The following EHBP1 variants were observed in gnomAD, a reference collection of about 807,000 sequenced individuals.
EHBP1 encodes the protein EH domain-binding protein 1.
A neutral mutation model predicts 144.0 loss-of-function variants in EHBP1; 55 were observed. The observed-to-expected ratio is 0.38, with a 90% CI of 0.31 to 0.48. EHBP1 has a LOEUF of 0.48. EHBP1 is among the 20% of genes least tolerant of loss of function. The probability of loss-of-function intolerance (pLI) is 0.98; values close to 1 mark genes in which losing one functional copy is unlikely to be tolerated. For synonymous variants in EHBP1, 469 were observed against 472.7 expected (o/e 0.99, Z 0.10); for missense variants, 1,200 against 1,364.2 (o/e 0.88, Z 1.90).
chr2:62,826,363 G>A, intron 6 of EHBP1, 95 bp downstream of exon 6: 2 of 1,140,426 alleles, frequency 1.8e-6, no homozygotes, highest in Non-Finnish European at 2.4e-6. Flanking sequence ...ACATCTTACA[G>A]CATACCAATC....
At chr2:62,794,411 T>A (rs1356856583) in intron 5 of EHBP1, among the ~76,000 whole-genome samples, 1 of 152,064 alleles carries the variant, frequency 6.6e-6, no homozygotes. Flanking sequence ...TAGACAGCAT[T>A]TTACATTTCT....
At position 62,914,910 on chromosome 2, in the gene EHBP1, C is replaced by T. The variant is rs202084626; in HGVS notation, c.1186-27808C>T. Among the ~76,000 whole-genome samples the T allele has an allele frequency of 1.3e-5, 2 of 151,900 alleles. 1 individual carries two copies. The highest frequency in any genetic ancestry group is 1.3e-4 in the Admixed American group (2 of 15,252). On this transcript the variant is annotated intron_variant, in intron 10 of 22. Transcript: ENST00000431489. ...CATTCATAATTGAATTTGATTTAGCCTTGTCCAATAAAGGCCAAAATTTGC... is the reference window on the plus strand; with the variant it reads ...CATTCATAATTGAATTTGATTTAGCTTTGTCCAATAAAGGCCAAAATTTGC...
At chr2:62,715,746 A>G (rs1253749967) in intron 2 of EHBP1, among the ~76,000 whole-genome samples, 2 of 152,154 alleles carry the variant, frequency 1.3e-5, no homozygotes, top group African/African-American at 2.4e-5. Context: ...CTGGGGGATG[A>G]TGGGTAACAA....
At chr2:62,968,633 G>A (rs960295621) in intron 14 of EHBP1, among the ~76,000 whole-genome samples, 1 of 152,060 alleles carries the variant, frequency 6.6e-6, no homozygotes, top group African/African-American at 2.4e-5. Flanking sequence ...AATACCTATG[G>A]TTTACTTTGA....
At chr2:62,789,746 GCA>G (rs1484373349) in intron 5 of EHBP1, among the ~76,000 whole-genome samples, 2 of 152,104 alleles carry the variant, frequency 1.3e-5, no homozygotes, top group Non-Finnish European at 2.9e-5. Context: ...GTGCCTTTCA[GCA>G]CACACAAAAC....
At chr2:62,768,334 G>T (rs946431665) in intron 4 of EHBP1, among the ~76,000 whole-genome samples, 5 of 152,152 alleles carry the variant, frequency 3.3e-5, no homozygotes, top group African/African-American at 1.2e-4. Flanking sequence ...TGAAGAGGCT[G>T]TTACCACTGA....
chr2:62,851,400 TTAA>T (rs2048684416), intron 7 of EHBP1, among the ~76,000 whole-genome samples: 1 of 152,182 alleles, frequency 6.6e-6, no homozygotes, highest in Non-Finnish European at 1.5e-5. Flanking sequence ...CTCTTTTATT[TTAA>T]TAATCATAAT....
At chr2:62,797,851 A>G (rs2043655609) in intron 5 of EHBP1, among the ~76,000 whole-genome samples, 1 of 152,186 alleles carries the variant, frequency 6.6e-6, no homozygotes, top group Non-Finnish European at 1.5e-5. Context: ...AACAGGGGTA[A>G]TAGTACCAGC....
At chr2:62,775,082 T>A (rs1043614952) in intron 5 of EHBP1, among the ~76,000 whole-genome samples, 2 of 152,220 alleles carry the variant, frequency 1.3e-5, no homozygotes, top group African/African-American at 4.8e-5. Flanking sequence ...TACATAGTTA[T>A]AATGAGCCAC....
chr2:62,757,109 A>G (rs1468115986), intron 3 of EHBP1, among the ~76,000 whole-genome samples: 1 of 152,160 alleles, frequency 6.6e-6, no homozygotes, highest in Admixed American at 6.5e-5. Context: ...AGGAGGAACA[A>G]ATCTCTGCAA....
intron 10 of EHBP1, among the ~76,000 whole-genome samples, chr2:62,922,372 A>G (rs1012259485): frequency 1.3e-5 from 2 of 152,182 alleles, no homozygotes; most frequent in African/African-American, 4.8e-5. Flanking sequence ...CTGTACTTCA[A>G]ATGGATTAAA....
In EHBP1 at chr2:63,019,395, C is replaced by T. The variant is rs1028551471; in HGVS notation, c.3104-18140C>T. On this transcript the variant is annotated intron_variant, in intron 19 of 22. Transcript: ENST00000431489. ...TCTTAGACAAGTTAGTTAATCTCTC[C>T]GAGCCTCTGTTTGATCATATGTTTT... 9.9e-5 allele frequency among the ~76,000 whole-genome samples: 15 copies of T among 152,158 alleles called. No individual in the cohort carries two copies. In the East Asian group the frequency reaches 1.7e-3, roughly 18 times the overall value.
At chr2:62,688,817 C>T (rs1441525868) in intron 1 of EHBP1, among the ~76,000 whole-genome samples, 2 of 152,134 alleles carry the variant, frequency 1.3e-5, no homozygotes, top group South Asian at 2.1e-4. Flanking sequence ...ATGGGCAAAT[C>T]AAAATGAGAT....
rs2046549921 is a variant in EHBP1 at position 62,828,940 on chromosome 2, G to A, written c.495-2079G>A. ...GAGACCAGCCTGAACAACATGGCAA[G>A]ACCCCCCTCTCTACAGAAATTTTAA... On this transcript the variant is annotated intron_variant, in intron 6 of 22. Transcript: ENST00000431489. 2.0e-5 allele frequency among the ~76,000 whole-genome samples: 3 copies of A among 151,980 alleles called. No homozygotes were observed. The South Asian group carries it at 6.2e-4, about 32-fold the overall frequency.
chr2:62,753,777 G>A (rs1032624039), intron 3 of EHBP1, among the ~76,000 whole-genome samples: 4 of 152,174 alleles, frequency 2.6e-5, no homozygotes, highest in Admixed American at 2.6e-4. Flanking sequence ...TCTTCCAGTT[G>A]ATTGAATCGG....
intron 1 of EHBP1, among the ~76,000 whole-genome samples, chr2:62,682,365 C>T (rs1011570299): frequency 3.9e-5 from 6 of 152,174 alleles, no homozygotes; most frequent in Non-Finnish European, 8.8e-5. Flanking sequence ...TCATTGTCTT[C>T]TTTTCTCTTG....
chr2:62,777,908 A>C (rs972292468), intron 5 of EHBP1, among the ~76,000 whole-genome samples: 1 of 152,220 alleles, frequency 6.6e-6, no homozygotes, highest in Admixed American at 6.5e-5. Context: ...TAACTGAAAG[A>C]GGAAAAACAA....
At chr2:62,830,581 T>C (rs913241774) in intron 6 of EHBP1, among the ~76,000 whole-genome samples, 5 of 152,222 alleles carry the variant, frequency 3.3e-5, no homozygotes, top group African/African-American at 1.2e-4. Context: ...GAATATTTTC[T>C]CCCACTCTGT....
chr2:62,957,847 C>T (rs529261363), intron 14 of EHBP1, among the ~76,000 whole-genome samples: 21 of 151,906 alleles, frequency 1.4e-4, no homozygotes, highest in Non-Finnish European at 2.5e-4. Flanking sequence ...AGGGTTTCAC[C>T]GTGATAGCCA....
Sources: allele counts gnomAD v4.1 joint callset (sites outside exome capture counted in the v4.1 genomes callset), GRCh38; gene constraint gnomAD v4.1.1; transcripts MANE v1.5; gene names NCBI Gene and HGNC (gene_info 2026-07-23, HGNC 2026-07-21).